Variants in TBC1D16 observed in about 807,000 individuals in gnomAD.
TBC1D16 encodes TBC1 domain family member 16, also known as CTD-2529O21.1.
A neutral mutation model predicts 74.7 loss-of-function variants in TBC1D16; 58 were observed. The observed-to-expected ratio is 0.78, with a 90% CI of 0.63 to 0.97. The LOEUF is 0.97. TBC1D16 is among the 50% of genes least tolerant of loss of function. The pLI is 0.00. For synonymous variants in TBC1D16, 493 were observed against 474.7 expected, an observed-to-expected ratio of 1.04 and a Z score of -0.50; for missense variants, 1,014 against 1,079.5, an observed-to-expected ratio of 0.94 and a Z score of 0.85.
intron 9 of TBC1D16, among the ~76,000 whole-genome samples, chr17:79,947,149 G>A (rs926108912): frequency 2.0e-5 from 3 of 152,180 alleles, no homozygotes; most frequent in Admixed American, 6.5e-5. Context: ...AGGCCTTGAC[G>A]GGAGAGGTGT....
Position 80,007,915 on chromosome 17 carries a change from C to T in TBC1D16, c.779+2245G>A. ...GCTTCATCCTGAAAATGATGGGCGG[C>T]CCCCGGTGGGTCCCAGGCAGAGGGA... On this transcript the variant is annotated intron_variant, in intron 3 of 11. Transcript: ENST00000310924. The surrounding 1 kb of genome is among the most constrained non-coding windows in gnomAD (Gnocchi z 4.5). Among the ~76,000 whole-genome samples, 1 of 152,100 alleles carries T rather than the reference C, an allele frequency of 6.6e-6. No homozygotes were observed. The highest frequency in any genetic ancestry group is 2.4e-5 in the African/African-American group (1 of 41,486).
intron 9 of TBC1D16, among the ~76,000 whole-genome samples, chr17:79,945,639 C>T (rs1226534719): frequency 2.6e-5 from 4 of 152,234 alleles, no homozygotes; most frequent in African/African-American, 9.6e-5. Flanking sequence ...AGCACTCGGG[C>T]CCAGGCCGCT....
At chr17:79,965,997 C>T (rs1040132454) in intron 3 of TBC1D16, among the ~76,000 whole-genome samples, 1 of 152,210 alleles carries the variant, frequency 6.6e-6, no homozygotes, top group Non-Finnish European at 1.5e-5. Context: ...TAAAGCAACA[C>T]GAATGTGCTC....
In TBC1D16 at chr17:79,961,723, C is replaced by T. The variant is rs983530323; in HGVS notation, c.780-8905G>A. Among the ~76,000 whole-genome samples, 4 of 152,050 alleles carry T rather than the reference C, an allele frequency of 2.6e-5. No individual in the cohort carries two copies. The highest frequency in any genetic ancestry group is 7.2e-5 in the African/African-American group (3 of 41,408). ...CCAAAAATACAAAAAATCAGCCAGA[C>T]GTGGTGGCGGGCGCCTATAATCCCA... On this transcript the variant is annotated intron_variant, in intron 3 of 11. Coordinates refer to ENST00000310924, the MANE Select transcript of TBC1D16 (RefSeq NM_019020.4). The surrounding 1 kb of genome is among the most constrained non-coding windows in gnomAD (Gnocchi z 4.8).
chr17:80,012,960 T>C (rs2035947240), intron 2 of TBC1D16, among the ~76,000 whole-genome samples: 1 of 152,146 alleles, frequency 6.6e-6, no homozygotes, highest in Non-Finnish European at 1.5e-5. Flanking sequence ...GCTCAGCCTC[T>C]CTGAACACCA....
rs150340062 is a variant in TBC1D16, at chr17:80,000,497, C to T, written c.779+9663G>A. Among the ~76,000 whole-genome samples, 292 of 152,336 alleles carry T rather than the reference C, an allele frequency of 1.9e-3. 1 individual carries two copies. The highest frequency in any genetic ancestry group is 6.9e-3 in the African/African-American group (288 of 41,580). ...AGGAAGGACCCTCCCCTAGACCTTC[C>T]AGAGGGAGCGTGGCTCTGCAGACAC... is the stretch of plus-strand genomic sequence containing the variant. On this transcript the variant is annotated intron_variant, in intron 3 of 11. Transcript: ENST00000310924. The surrounding 1 kb of genome is among the most constrained non-coding windows in gnomAD (Gnocchi z 4.1).
chr17:79,953,456 C>CA (rs928896669), intron 3 of TBC1D16, among the ~76,000 whole-genome samples: 2 of 152,204 alleles, frequency 1.3e-5, no homozygotes, highest in Admixed American at 6.5e-5. Context: ...TTAATCTTCA[C>CA]AAAAATCCTC....
rs532388838 is a variant in TBC1D16 at position 79,972,472 on chromosome 17, C to T, written c.780-19654G>A. Among the ~76,000 whole-genome samples, 8 of 152,306 alleles carry T rather than the reference C, an allele frequency of 5.3e-5. No individual in the cohort carries two copies. In the South Asian group the frequency reaches 6.2e-4, roughly 12 times the overall value. Reference sequence around the variant, plus strand: ...CTGGGATTGCAGGTGTGAGCCACTGCGCCCTGCTAAAAAGGAAGGAGATTC... The same window carrying T: ...CTGGGATTGCAGGTGTGAGCCACTGTGCCCTGCTAAAAAGGAAGGAGATTC... On this transcript the variant is annotated intron_variant, in intron 3 of 11. Coordinates refer to ENST00000310924, the MANE Select transcript of TBC1D16 (RefSeq NM_019020.4).
rs1022252942 is a variant in TBC1D16, at chr17:79,938,014, C to G, written c.*2845G>C. Reference sequence around the variant, plus strand: ...AATAAGCAGCATTGCTGAGGATGGCCGTGCAGGGCTGATTATCCCCTATTT... The same window carrying G: ...AATAAGCAGCATTGCTGAGGATGGCGGTGCAGGGCTGATTATCCCCTATTT... On this transcript the variant is annotated 3_prime_UTR_variant, in exon 12 of 12. Coordinates refer to ENST00000310924, the MANE Select transcript of TBC1D16 (RefSeq NM_019020.4). 1 of 152,208 alleles carries G rather than the reference C, an allele frequency of 6.6e-6. No individual in the cohort carries two copies. The highest frequency in any genetic ancestry group is 2.1e-4 in the South Asian group (1 of 4,818). 9.4% of individuals were successfully genotyped at this position (152,208 alleles called of 1,614,324 possible). A position where few individuals can be genotyped will look rare whatever the true frequency, so the allele number is the denominator to read the frequency against.
rs1052367885 is a variant in TBC1D16, at chr17:80,023,104, C to T, written c.-62-9495G>A. Among the ~76,000 whole-genome samples, 3 of 150,218 alleles carry T rather than the reference C, an allele frequency of 2.0e-5. 1 individual carries two copies. The highest frequency in any genetic ancestry group is 7.6e-5 in the African/African-American group (3 of 39,574). ...GATCCACGGTTCTCATACTATCACACGCTCTGGTGAGAGTAATGGCTCATC... is the reference window on the plus strand; with the variant it reads ...GATCCACGGTTCTCATACTATCACATGCTCTGGTGAGAGTAATGGCTCATC... On this transcript the variant is annotated intron_variant, in intron 1 of 11. Transcript: ENST00000310924.
rs759693304 is a variant in TBC1D16 at position 79,940,998 on chromosome 17, G to T, written c.2165C>A (p.Ala722Glu). The T allele has an allele frequency of 5.6e-6, 9 of 1,608,284 alleles. No homozygotes were observed. The Middle Eastern group carries it at 5.0e-4, about 89-fold the overall frequency. The change falls in exon 12 of 12, where the codon GCG (alanine) becomes GAG (glutamate). Residue 722 changes from alanine to glutamate, a missense_variant. Coordinates refer to ENST00000310924, the MANE Select transcript of TBC1D16 (RefSeq NM_019020.4). This position sits in a 1 kb window ranked among gnomAD's most constrained non-coding sequence, Gnocchi z 5.4. ...SGMWDSGSMP[A>E]VECTGHHPGS... ...GGGATGGTGGCCGGTGCACTCCACC[G>T]CGGGCATGGAGCCGCTGTCCCACAT... is the stretch of plus-strand genomic sequence containing the variant.
chr17:79,976,544 G>A (rs2034339212), intron 3 of TBC1D16, among the ~76,000 whole-genome samples: 1 of 152,140 alleles, frequency 6.6e-6, no homozygotes, highest in South Asian at 2.1e-4. Context: ...CAACAAAGAT[G>A]AGCTCAAAAG....
intron 1 of TBC1D16, among the ~76,000 whole-genome samples, chr17:80,034,291 C>T (rs911442104): frequency 1.3e-5 from 2 of 151,314 alleles, no homozygotes; most frequent in African/African-American, 2.4e-5. Context: ...ACCTTCGCCT[C>T]CCGAGCTCAA....
chr17:79,992,677 C>T (rs535085581), intron 3 of TBC1D16: 1 of 152,298 alleles, frequency 6.6e-6, no homozygotes, highest in Non-Finnish European at 1.5e-5. Context: ...CCTGTCCCTG[C>T]CTGATATATA....
rs921088476 is a variant in TBC1D16, at chr17:79,980,724, C to T, written c.780-27906G>A. Among the ~76,000 whole-genome samples the T allele has an allele frequency of 7.2e-5, 11 of 152,216 alleles. 1 individual carries two copies. The East Asian group carries it at 1.3e-3, about 19-fold the overall frequency. ...TCAGCCCCCCAGGGTTCACTCGAAC[C>T]GCCTCCGCGCACCCCAACAGCAGAG... On this transcript the variant is annotated intron_variant, in intron 3 of 11. Coordinates refer to ENST00000310924, the MANE Select transcript of TBC1D16 (RefSeq NM_019020.4). This position sits in a 1 kb window ranked among gnomAD's most constrained non-coding sequence, Gnocchi z 7.0.
chr17:80,021,900 TGACA>T lies in TBC1D16; in HGVS notation c.-62-8295_-62-8292del, dbSNP rs570647144. Among the ~76,000 whole-genome samples the T allele has an allele frequency of 9.3e-5, 14 of 150,586 alleles. No individual in the cohort carries two copies. The East Asian group carries it at 2.5e-3, about 27-fold the overall frequency. On this transcript the variant is annotated intron_variant, in intron 1 of 11. Transcript: ENST00000310924. ...CACCATGACACACAAACACACACCA[TGACA>T]CACACCATGACACACACAAACACAT...
chr17:79,978,390 C>T (rs1222216006), intron 3 of TBC1D16, among the ~76,000 whole-genome samples: 1 of 152,206 alleles, frequency 6.6e-6, no homozygotes, highest in East Asian at 1.9e-4. Context: ...AGGTTGATTA[C>T]CAGCACGGTT....
In TBC1D16 at chr17:80,007,913, G is replaced by A. The variant is rs755029545; in HGVS notation, c.779+2247C>T. On this transcript the variant is annotated intron_variant, in intron 3 of 11. Transcript: ENST00000310924. This position sits in a 1 kb window ranked among gnomAD's most constrained non-coding sequence, Gnocchi z 4.5. ...GTGCTTCATCCTGAAAATGATGGGCGGCCCCCGGTGGGTCCCAGGCAGAGG... is the reference window on the plus strand; with the variant it reads ...GTGCTTCATCCTGAAAATGATGGGCAGCCCCCGGTGGGTCCCAGGCAGAGG... 1.1e-4 allele frequency among the ~76,000 whole-genome samples: 16 copies of A among 152,142 alleles called. No individual in the cohort carries two copies. Among genetic ancestry groups the A allele is most frequent in the Non-Finnish European group, 1.9e-4 (13 of 67,992 alleles).
chr17:80,032,178 G>A (rs191763761), intron 1 of TBC1D16, among the ~76,000 whole-genome samples: 3 of 152,158 alleles, frequency 2.0e-5, no homozygotes, highest in South Asian at 2.1e-4. Flanking sequence ...CTTGGCACCC[G>A]CAGTACGTTG....
Sources: gnomAD v4.1 joint callset for allele counts (sites outside exome capture counted in the v4.1 genomes callset) on GRCh38, gnomAD v4.1.1 for gene constraint, Gnocchi (gnomAD v3.1) non-coding constraint, MANE v1.5 for transcripts, NCBI Gene and HGNC (gene_info 2026-07-23, HGNC 2026-07-21) for gene names.